Variants in BICD1 observed in about 807,000 individuals in gnomAD.
BICD1 encodes BICD cargo adaptor 1, also known as protein bicaudal D homolog 1.
A neutral mutation model predicts 92.5 loss-of-function variants in BICD1; 35 were observed. The observed-to-expected ratio is 0.38, with a 90% CI of 0.29 to 0.50. BICD1 has a LOEUF of 0.50. Among genes scored for constraint, BICD1 ranks in the 20% least tolerant of loss-of-function variants. The pLI is 0.93. For missense variants in BICD1, 950 were observed against 1,189.8 expected (o/e 0.80, Z 2.97); for synonymous variants, 429 against 465.1 (o/e 0.92, Z 1.00).
intron 8 of BICD1, among the ~76,000 whole-genome samples, chr12:32,361,577 GAT>G: frequency 6.6e-6 from 1 of 150,510 alleles, no homozygotes. Context: ...AAGAAAGAAA[GAT>G]AAGAAAAAAA....
At chr12:32,168,621 G>T (rs1297097968) in intron 1 of BICD1, among the ~76,000 whole-genome samples, 1 of 152,184 alleles carries the variant, frequency 6.6e-6, no homozygotes, top group Admixed American at 6.5e-5. Flanking sequence ...GCTGAGCAAG[G>T]CAGGAACTTG....
chr12:32,108,239 TA>T (rs3839980), intron 1 of BICD1: 19,235 of 184,496 alleles, frequency 0.1, 1,334 homozygotes, highest in Middle Eastern at 0.19. Context: ...GAGTGGTGTA[TA>T]TCAAATACGT....
intron 1 of BICD1, among the ~76,000 whole-genome samples, chr12:32,176,589 T>G (rs1944095973): frequency 6.6e-6 from 1 of 152,242 alleles, no homozygotes; most frequent in African/African-American, 2.4e-5. Context: ...TTTCTATCAT[T>G]CTATCATACT....
Position 32,328,188 on chromosome 12 carries a change from C to G in BICD1, c.1733C>G (p.Ser578Cys), listed in dbSNP as rs1948836987. 1 of 1,614,068 alleles carries G rather than the reference C, an allele frequency of 6.2e-7. No individual in the cohort carries two copies. The highest frequency in any genetic ancestry group is 8.5e-7 in the Non-Finnish European group (1 of 1,180,040). The change falls in exon 5 of 10, where the codon TCT becomes TGT. Residue 578 changes from serine to cysteine, a missense_variant. Transcript: ENST00000652176. The surrounding 1 kb of genome is among the most constrained non-coding windows in gnomAD (Gnocchi z 4.4). ...TCCCCGGTAGAAACAAGGACCTCAT[C>G]TGAACCAGTTGCAAAAGAAAGCACA... ...VSSPVETRTSSEPVAKESTEA... is the reference protein window; with the variant it reads ...VSSPVETRTSCEPVAKESTEA...
chr12:32,116,130 C>T (rs1371000773), intron 1 of BICD1, among the ~76,000 whole-genome samples: 2 of 151,480 alleles, frequency 1.3e-5, no homozygotes, highest in East Asian at 3.9e-4. Flanking sequence ...TTAATTAAGT[C>T]TATAAAATTA....
At chr12:32,219,715 G>A (rs936024865) in intron 2 of BICD1, among the ~76,000 whole-genome samples, 15 of 151,908 alleles carry the variant, frequency 9.9e-5, no homozygotes, top group South Asian at 2.1e-4. Context: ...GAAGCTCTGC[G>A]GCTATGCTTA....
chr12:32,259,105 C>G (rs1946791859), intron 2 of BICD1, among the ~76,000 whole-genome samples: 1 of 152,256 alleles, frequency 6.6e-6, no homozygotes, highest in Non-Finnish European at 1.5e-5. Context: ...AGAGAGGGCT[C>G]ACCTCTTGCC....
intron 1 of BICD1, among the ~76,000 whole-genome samples, chr12:32,124,644 A>C (rs976446887): frequency 6.6e-6 from 1 of 152,134 alleles, no homozygotes; most frequent in African/African-American, 2.4e-5. Flanking sequence ...AATCAGAGTA[A>C]TCTCCTGATC....
chr12:32,279,251 A>G (rs1279698948), intron 2 of BICD1, among the ~76,000 whole-genome samples: 2 of 152,226 alleles, frequency 1.3e-5, no homozygotes, highest in African/African-American at 4.8e-5. Context: ...GACCTTCCCT[A>G]AAAGATACAG....
intron 1 of BICD1, among the ~76,000 whole-genome samples, chr12:32,110,024 A>C (rs1941628358): frequency 6.6e-6 from 1 of 152,240 alleles, no homozygotes; most frequent in Non-Finnish European, 1.5e-5. Flanking sequence ...ATTTTTGAAC[A>C]AATATGATTT....
At chr12:32,132,256 A>G (rs1942570506) in intron 1 of BICD1, among the ~76,000 whole-genome samples, 2 of 151,970 alleles carry the variant, frequency 1.3e-5, no homozygotes, top group Non-Finnish European at 2.9e-5. Flanking sequence ...TCTCTACTAA[A>G]AATACAAAAA....
At chr12:32,340,706 A>C (rs1365589278) in intron 8 of BICD1, 6 of 233,686 alleles carry the variant, frequency 2.6e-5, no homozygotes, top group African/African-American at 1.4e-4. Context: ...ATTATATCAC[A>C]AGCTTTTCCA....
chr12:32,118,515 CT>C (rs947324563), intron 1 of BICD1, among the ~76,000 whole-genome samples: 1 of 152,084 alleles, frequency 6.6e-6, no homozygotes, highest in Non-Finnish European at 1.5e-5. Context: ...CGTATACAGG[CT>C]TTTTTTGGTC....
intron 1 of BICD1, among the ~76,000 whole-genome samples, chr12:32,207,938 C>T (rs1245893275): frequency 6.6e-6 from 1 of 152,108 alleles, no homozygotes; most frequent in African/African-American, 2.4e-5. Flanking sequence ...TGGATAAGTC[C>T]AAGGAAAACC....
chr12:32,339,373 G>A (rs887902029), intron 8 of BICD1: 1 of 990,654 alleles, frequency 1.0e-6, no homozygotes, highest in African/African-American at 1.7e-5. Context: ...AGAGCCATAT[G>A]TATAACAAGG....
intron 2 of BICD1, among the ~76,000 whole-genome samples, chr12:32,283,684 A>T (rs1358445955): frequency 6.6e-6 from 1 of 152,200 alleles, no homozygotes; most frequent in Non-Finnish European, 1.5e-5. Context: ...AGAAGTGCAG[A>T]GCCTGATTTG....
rs1938885950 is a variant in BICD1, at chr12:32,351,618, T to C, written c.2764+12639T>C. Among the ~76,000 whole-genome samples the C allele has an allele frequency of 1.3e-5, 2 of 151,948 alleles. 1 individual carries two copies. Among genetic ancestry groups the C allele is most frequent in the Non-Finnish European group, 2.9e-5 (2 of 68,004 alleles). On this transcript the variant is annotated intron_variant, in intron 8 of 9. Coordinates refer to ENST00000652176, the MANE Select transcript of BICD1 (RefSeq NM_001714.4). Reference sequence around the variant, plus strand: ...AGGACTGTCATTTTAACTAAAGTTATTTTTGGCCAGGTGTGGTGGCTTATG... The same window carrying C: ...AGGACTGTCATTTTAACTAAAGTTACTTTTGGCCAGGTGTGGTGGCTTATG...
At chr12:32,370,382 A>G (rs1243970479) in intron 9 of BICD1, among the ~76,000 whole-genome samples, 5 of 152,024 alleles carry the variant, frequency 3.3e-5, no homozygotes, top group Non-Finnish European at 7.4e-5. Context: ...GAAATAATGT[A>G]ATTATAGATT....
intron 1 of BICD1, among the ~76,000 whole-genome samples, chr12:32,116,504 C>CTATA (rs1486131484): frequency 1.2e-3 from 102 of 82,094 alleles, no homozygotes; most frequent in East Asian, 5.2e-3. Context: ...CTCTCTCTCT[C>CTATA]TCTCTCTATA....
Sources: gnomAD v4.1 joint callset for allele counts (sites outside exome capture counted in the v4.1 genomes callset) on GRCh38, gnomAD v4.1.1 for gene constraint, Gnocchi (gnomAD v3.1) non-coding constraint, MANE v1.5 for transcripts, NCBI Gene and HGNC (gene_info 2026-07-23, HGNC 2026-07-21) for gene names.